The following RAD51B variants were observed in gnomAD, a reference collection of about 807,000 sequenced individuals.
The protein encoded by RAD51B is DNA repair protein RAD51 homolog 2.
RAD51B carries 38 observed loss-of-function variants against 42.2 expected under a neutral mutation model. The ratio of observed to expected loss-of-function variants is 0.90; its 90% CI spans 0.70 to 1.18. The LOEUF (loss-of-function observed/expected upper bound fraction) is 1.18, where lower values mean the gene tolerates loss of function less well. Among genes scored for constraint, RAD51B ranks in the 50% most tolerant of loss-of-function variants. RAD51B has a pLI of 0.00. For missense variants in RAD51B, 373 were observed against 400.7 expected, an observed-to-expected ratio of 0.93 and a Z score of 0.59; for synonymous variants, 154 against 145.2, an observed-to-expected ratio of 1.06 and a Z score of -0.43.
At chr14:68,428,638 A>G (rs904208419) in intron 9 of RAD51B, among the ~76,000 whole-genome samples, 10 of 147,754 alleles carry the variant, frequency 6.8e-5, no homozygotes, top group South Asian at 6.3e-4. Flanking sequence ...TTCGTTTTCT[A>G]TGACTGGCTT....
intron 10 of RAD51B, among the ~76,000 whole-genome samples, chr14:68,537,240 T>C (rs1255721160): frequency 6.6e-6 from 1 of 152,096 alleles, no homozygotes; most frequent in Admixed American, 6.6e-5. Flanking sequence ...GGCTCACGCC[T>C]GTAATCCCAG....
Position 68,245,635 on chromosome 14 carries a change from G to A in RAD51B, c.757-46249G>A, listed in dbSNP as rs534729049. Among the ~76,000 whole-genome samples, 6 of 152,322 alleles carry A rather than the reference G, an allele frequency of 3.9e-5. No individual in the cohort carries two copies. In the East Asian group the frequency reaches 1.2e-3, roughly 29 times the overall value. On this transcript the variant is annotated intron_variant, in intron 7 of 10. Transcript: ENST00000471583. The stretch of plus-strand genomic sequence containing the variant: ...GTGGAGGTGGGCATATCTCCAAGGC[G>A]ATTTATGACTTTAGACGCATATCCC...
intron 7 of RAD51B, among the ~76,000 whole-genome samples, chr14:68,232,756 A>G (rs963846807): frequency 1.3e-5 from 2 of 152,222 alleles, no homozygotes; most frequent in East Asian, 1.9e-4. Flanking sequence ...GTTTTCAACC[A>G]TGGAAATCCC....
intron 3 of RAD51B, among the ~76,000 whole-genome samples, chr14:67,832,774 A>G (rs1013345558): frequency 6.6e-6 from 1 of 152,214 alleles, no homozygotes; most frequent in African/African-American, 2.4e-5. Context: ...ATATCCTAGC[A>G]TAGTGACTGG....
chr14:67,896,593 T>G (rs897029235), intron 7 of RAD51B, among the ~76,000 whole-genome samples: 1 of 152,222 alleles, frequency 6.6e-6, no homozygotes, highest in Admixed American at 6.5e-5. Flanking sequence ...AGAAATTAGA[T>G]CATCTCTTGA....
chr14:67,931,097 A>AT (rs1364217845), intron 7 of RAD51B, among the ~76,000 whole-genome samples: 1 of 151,454 alleles, frequency 6.6e-6, no homozygotes, highest in African/African-American at 2.4e-5. Flanking sequence ...ATTTTTTTGT[A>AT]TTTTTATTAG....
chr14:68,466,322 T>C (rs2085985755), intron 9 of RAD51B, among the ~76,000 whole-genome samples: 1 of 152,242 alleles, frequency 6.6e-6, no homozygotes, highest in Non-Finnish European at 1.5e-5. Flanking sequence ...AGGTATTTTG[T>C]ATACTTAATT....
At chr14:67,950,037 A>G (rs1048417445) in intron 7 of RAD51B, among the ~76,000 whole-genome samples, 2 of 152,108 alleles carry the variant, frequency 1.3e-5, no homozygotes, top group African/African-American at 2.4e-5. Context: ...GAGTAGATTT[A>G]GCATAACTTT....
intron 7 of RAD51B, among the ~76,000 whole-genome samples, chr14:68,015,462 G>A (rs2075762635): frequency 6.6e-6 from 1 of 152,166 alleles, no homozygotes; most frequent in Non-Finnish European, 1.5e-5. Context: ...GAGGTTTAAT[G>A]GATTCACAGT....
At chr14:68,622,774 T>TTA (rs1338440639) in intron 10 of RAD51B, among the ~76,000 whole-genome samples, 1 of 150,968 alleles carries the variant, frequency 6.6e-6, no homozygotes, top group Admixed American at 6.6e-5. Context: ...TGAGGGCTAT[T>TTA]TGTGTTATGG....
chr14:67,913,124 A>C (rs770320041), intron 7 of RAD51B, among the ~76,000 whole-genome samples: 1 of 152,084 alleles, frequency 6.6e-6, no homozygotes, highest in African/African-American at 2.4e-5. Context: ...CATTTCATCA[A>C]TCTGTAATGC....
intron 7 of RAD51B, among the ~76,000 whole-genome samples, chr14:68,134,673 T>C (rs1381740187): frequency 3.9e-5 from 6 of 152,196 alleles, no homozygotes; most frequent in Non-Finnish European, 8.8e-5. Flanking sequence ...TAATGACTAA[T>C]TGATGTTAAA....
At chr14:68,348,765 G>A (rs941538877) in intron 8 of RAD51B, among the ~76,000 whole-genome samples, 1 of 152,184 alleles carries the variant, frequency 6.6e-6, no homozygotes, top group Admixed American at 6.5e-5. Context: ...CAGGCATGGT[G>A]GGGGGCGCCT....
chr14:68,634,541 G>T lies in RAD51B; in HGVS notation c.1037-16240G>T, dbSNP rs371429417. On this transcript the variant is annotated intron_variant, in intron 10 of 11. Coordinates refer to the RAD51B transcript ENST00000488612. ...CCTTTCTCCAGGGCTCATATTACCT[G>T]CCCTCCCCCAGTGGCTGGGATTCTC... is the stretch of plus-strand genomic sequence containing the variant. Among the ~76,000 whole-genome samples, 7 of 152,144 alleles carry T rather than the reference G, an allele frequency of 4.6e-5. No homozygotes were observed. The South Asian group carries it at 1.5e-3, about 32-fold the overall frequency.
At chr14:68,584,200 C>T (rs935701279) in intron 10 of RAD51B, among the ~76,000 whole-genome samples, 70 of 152,250 alleles carry the variant, frequency 4.6e-4, no homozygotes, top group African/African-American at 1.7e-3. Context: ...GACTCTAATC[C>T]CCACCAGCCT....
At chr14:68,389,920 GTTTTAAAC>G (rs1266728268) in intron 8 of RAD51B, among the ~76,000 whole-genome samples, 4 of 152,108 alleles carry the variant, frequency 2.6e-5, no homozygotes, top group Non-Finnish European at 5.9e-5. Context: ...ACTCTCTACT[GTTTTAAAC>G]CTAGGTATTC....
chr14:68,164,012 A>G (rs1012531872), intron 7 of RAD51B, among the ~76,000 whole-genome samples: 1 of 152,182 alleles, frequency 6.6e-6, no homozygotes, highest in Admixed American at 6.5e-5. Context: ...GAAATTTCTT[A>G]TCTGTTTACA....
At chr14:67,939,407 C>T (rs1442858749) in intron 7 of RAD51B, among the ~76,000 whole-genome samples, 1 of 151,882 alleles carries the variant, frequency 6.6e-6, no homozygotes, top group Admixed American at 6.6e-5. Flanking sequence ...AGAAAATTGA[C>T]AGTAGTAAGT....
rs142850145 is a variant in RAD51B at position 68,511,589 on chromosome 14, C to T, written c.1036+43339C>T. On this transcript the variant is annotated intron_variant, in intron 10 of 10. Transcript: ENST00000487270. The stretch of plus-strand genomic sequence containing the variant: ...TTCTGGGAGAATTGCTATTAAATAA[C>T]CTCTGCTGTTTAAAAACAAGGCCAG... 4.9e-3 allele frequency among the ~76,000 whole-genome samples: 750 copies of T among 152,352 alleles called. 4 individuals carry two copies. Among genetic ancestry groups the T allele is most frequent in the African/African-American group, 0.016 (661 of 41,576 alleles).
Sources: gnomAD v4.1 joint callset for allele counts (sites outside exome capture counted in the v4.1 genomes callset) on GRCh38, gnomAD v4.1.1 for gene constraint, MANE v1.5 for transcripts, NCBI Gene and HGNC (gene_info 2026-07-23, HGNC 2026-07-21) for gene names.